The following SDK1 variants were observed in gnomAD, a reference collection of about 807,000 sequenced individuals.
SDK1 encodes the protein sidekick cell adhesion molecule 1, also known as protein sidekick-1.
SDK1 carries 157 observed loss-of-function variants against 245.5 expected under a neutral mutation model. The ratio of observed to expected loss-of-function variants is 0.64; its 90% CI spans 0.56 to 0.73. The LOEUF (loss-of-function observed/expected upper bound fraction) is 0.73, where lower values mean the gene tolerates loss of function less well. Ranked by LOEUF, SDK1 falls within the 30% of genes least tolerant of loss-of-function variation. The probability of loss-of-function intolerance (pLI) is 0.00; values close to 1 mark genes in which losing one functional copy is unlikely to be tolerated. For synonymous variants in SDK1, 1,647 were observed against 1,278.5 expected (o/e 1.29, Z -6.15); for missense variants, 3,583 against 3,002.3 (o/e 1.19, Z -4.52).
intron 34 of SDK1, 52 bp downstream of exon 34, chr7:4,175,886 C>T: frequency 1.3e-6 from 2 of 1,514,748 alleles, no homozygotes; most frequent in East Asian, 4.5e-5. Flanking sequence ...CACACTGTGC[C>T]CAGAGCCAGC....
At chr7:4,202,793 G>A (rs990599700) in intron 35 of SDK1, among the ~76,000 whole-genome samples, 2 of 152,046 alleles carry the variant, frequency 1.3e-5, no homozygotes, top group African/African-American at 4.8e-5. Context: ...GAGTCACACC[G>A]GTGCCTGTCC....
intron 5 of SDK1, among the ~76,000 whole-genome samples, chr7:3,883,722 G>C (rs1243989923): frequency 1.8e-5 from 2 of 112,888 alleles, no homozygotes; most frequent in Non-Finnish European, 3.3e-5. Context: ...CCCTCCCATT[G>C]TCTAGCAGAG....
intron 4 of SDK1, among the ~76,000 whole-genome samples, chr7:3,706,027 T>G (rs1029895523): frequency 6.6e-6 from 1 of 152,212 alleles, no homozygotes; most frequent in Admixed American, 6.5e-5. Context: ...GAAATGATTA[T>G]ATGGTTTTTG....
chr7:3,418,877 C>G (rs968173313), intron 1 of SDK1, among the ~76,000 whole-genome samples: 2 of 152,168 alleles, frequency 1.3e-5, no homozygotes, highest in African/African-American at 4.8e-5. Context: ...TCTGCACGTA[C>G]TCAGTCTTAC....
chr7:3,321,912 G>A (rs560615492), intron 1 of SDK1, among the ~76,000 whole-genome samples: 8 of 147,292 alleles, frequency 5.4e-5, no homozygotes, highest in South Asian at 2.2e-4. Flanking sequence ...AAACTGTAGC[G>A]GAATGTATAC....
intron 38 of SDK1, among the ~76,000 whole-genome samples, chr7:4,213,955 T>C (rs1358619394): frequency 1.3e-5 from 2 of 152,332 alleles, no homozygotes; most frequent in East Asian, 1.9e-4. Flanking sequence ...ATCACAGTGA[T>C]AGGTGATGTT....
At chr7:4,054,286 A>G (rs988631900) in intron 19 of SDK1, among the ~76,000 whole-genome samples, 1 of 152,202 alleles carries the variant, frequency 6.6e-6, no homozygotes, top group East Asian at 1.9e-4. Flanking sequence ...TTCATATGCA[A>G]TTATATGAAA....
chr7:3,382,492 C>T (rs1781513051), intron 1 of SDK1, among the ~76,000 whole-genome samples: 3 of 152,174 alleles, frequency 2.0e-5, no homozygotes, highest in Non-Finnish European at 4.4e-5. Context: ...AATACACTTC[C>T]TCACCTCAAT....
intron 35 of SDK1, 32 bp from the exon 36 acceptor site, chr7:4,205,847 C>T (rs374249534): frequency 6.6e-7 from 1 of 1,521,720 alleles, no homozygotes; most frequent in East Asian, 2.5e-5. Flanking sequence ...GAATGAACGT[C>T]TCAGCTTCTC....
At chr7:3,628,910 C>T (rs962445758) in intron 2 of SDK1, among the ~76,000 whole-genome samples, 3 of 152,056 alleles carry the variant, frequency 2.0e-5, no homozygotes, top group African/African-American at 4.8e-5. Context: ...AAAACCCAGG[C>T]AGAACCTAGA....
At chr7:3,383,585 C>G (rs1308215454) in intron 1 of SDK1, among the ~76,000 whole-genome samples, 1 of 152,128 alleles carries the variant, frequency 6.6e-6, no homozygotes, top group Non-Finnish European at 1.5e-5. Context: ...GTTTTGAGGA[C>G]CTGATCTTAA....
At chr7:4,088,555 G>GTT (rs35931237) in intron 22 of SDK1, among the ~76,000 whole-genome samples, 2 of 146,444 alleles carry the variant, frequency 1.4e-5, no homozygotes, top group South Asian at 2.1e-4. Context: ...CTAGGAGTTG[G>GTT]TTTTTTTTTT....
chr7:4,019,607 T>TAA lies in SDK1; in HGVS notation c.2602+2267_2602+2268dup, dbSNP rs879773928. Among the ~76,000 whole-genome samples, 58 of 146,182 alleles carry TAA rather than the reference T, an allele frequency of 4.0e-4. 1 individual carries two copies. The highest frequency in any genetic ancestry group is 7.1e-3 in the Middle Eastern group (2 of 280). ...CCAAATCTGGTTCATCATCTATACT[T>TAA]AAAAAAAAAAAAATGCTCTTCATGA... On this transcript the variant is annotated intron_variant, in intron 17 of 44. Transcript: ENST00000404826.
At chr7:4,079,889 A>G (rs549374971) in intron 22 of SDK1, among the ~76,000 whole-genome samples, 12 of 152,342 alleles carry the variant, frequency 7.9e-5, no homozygotes, top group Admixed American at 2.6e-4. Flanking sequence ...TAAAAATTCT[A>G]TATCACAATT....
At chr7:3,595,241 A>G (rs1186598333) in intron 1 of SDK1, among the ~76,000 whole-genome samples, 1 of 152,018 alleles carries the variant, frequency 6.6e-6, no homozygotes, top group African/African-American at 2.4e-5. Flanking sequence ...TTGTAATTAT[A>G]TATATATTCA....
chr7:3,430,525 G>C lies in SDK1; in HGVS notation c.298+128641G>C, dbSNP rs533250910. Reference sequence around the variant, plus strand: ...ACTTGAAACAAGCTTCCTCCTGCTCGTCAGCTTCATTCCTCTCTTTCTGAT... The same window carrying C: ...ACTTGAAACAAGCTTCCTCCTGCTCCTCAGCTTCATTCCTCTCTTTCTGAT... On this transcript the variant is annotated intron_variant, in intron 1 of 44. Transcript: ENST00000404826. 7.4e-4 allele frequency among the ~76,000 whole-genome samples: 112 copies of C among 152,046 alleles called. 1 individual carries two copies. Among genetic ancestry groups the C allele is most frequent in the African/African-American group, 1.8e-3 (73 of 41,488 alleles).
At chr7:3,798,602 A>G (rs184443667) in intron 4 of SDK1, among the ~76,000 whole-genome samples, 5 of 152,136 alleles carry the variant, frequency 3.3e-5, no homozygotes, top group Admixed American at 2.6e-4. Flanking sequence ...CTCACGATCA[A>G]GCTGACTCAT....
At chr7:3,567,564 C>G (rs1216057186) in intron 1 of SDK1, among the ~76,000 whole-genome samples, 3 of 152,192 alleles carry the variant, frequency 2.0e-5, no homozygotes, top group Non-Finnish European at 4.4e-5. Context: ...ACATGCTAGT[C>G]ATTGCTAACA....
At chr7:3,670,097 C>A (rs527464383) in intron 4 of SDK1, among the ~76,000 whole-genome samples, 20 of 152,206 alleles carry the variant, frequency 1.3e-4, no homozygotes, top group Non-Finnish European at 2.8e-4. Flanking sequence ...TGACCAAACT[C>A]TTGCCTCTTT....
Sources: allele counts gnomAD v4.1 joint callset (sites outside exome capture counted in the v4.1 genomes callset), GRCh38; gene constraint gnomAD v4.1.1; transcripts MANE v1.5; gene names NCBI Gene and HGNC (gene_info 2026-07-23, HGNC 2026-07-21).